L3MBTL4: variants seen among roughly 807,000 people sequenced by gnomAD.
L3MBTL4 encodes the protein L3MBTL histone methyl-lysine binding protein 4, also known as lethal(3)malignant brain tumor-like protein 4.
L3MBTL4 carries 70 observed loss-of-function variants against 84.5 expected under a neutral mutation model. The ratio of observed to expected loss-of-function variants is 0.83; its 90% confidence interval spans 0.68 to 1.01. The LOEUF is 1.01. Ranked by LOEUF, L3MBTL4 falls within the 50% of genes least tolerant of loss-of-function variation. The pLI, the probability that L3MBTL4 is intolerant of heterozygous loss-of-function variation, is 0.00. For missense variants in L3MBTL4, 715 were observed against 754.8 expected (o/e 0.95, Z 0.62); for synonymous variants, 274 against 259.8 (o/e 1.05, Z -0.52).
chr18:6,399,936 A>C (rs1340427177), intron 1 of L3MBTL4: 1 of 152,230 alleles, frequency 6.6e-6, no homozygotes, highest in Admixed American at 6.5e-5. Context: ...GCTAGGAGTT[A>C]ACCACCACTA....
chr18:6,088,781 A>C (rs1353578228), intron 15 of L3MBTL4, among the ~76,000 whole-genome samples: 1 of 152,186 alleles, frequency 6.6e-6, no homozygotes, highest in Non-Finnish European at 1.5e-5. Context: ...GCCAAAATAA[A>C]CTAGTTGGCT....
intron 14 of L3MBTL4, among the ~76,000 whole-genome samples, chr18:6,110,834 G>C (rs1297285179): frequency 1.3e-5 from 2 of 152,128 alleles, no homozygotes; most frequent in African/African-American, 4.8e-5. Flanking sequence ...ACAAGGGTAA[G>C]AGAGGAGGAA....
intron 10 of L3MBTL4, among the ~76,000 whole-genome samples, chr18:6,232,806 A>T (rs2047051387): frequency 1.3e-5 from 2 of 152,202 alleles, no homozygotes; most frequent in South Asian, 2.1e-4. Context: ...AATACTTAAA[A>T]TTTTTTTCCA....
chr18:6,229,127 G>C (rs942293177), intron 10 of L3MBTL4, among the ~76,000 whole-genome samples: 1 of 152,124 alleles, frequency 6.6e-6, no homozygotes, highest in Admixed American at 6.5e-5. Context: ...GTTAGTGTTC[G>C]TGTGAATAGT....
At position 6,311,559 on chromosome 18, in the gene L3MBTL4, G is replaced by A. The variant is rs201719685; in HGVS notation, c.67C>T (p.Arg23Cys). 1.3e-4 allele frequency: 210 copies of A among 1,612,750 alleles called. 4 individuals are homozygous for A. In the East Asian group the frequency reaches 2.7e-3, roughly 21 times the overall value. Residue 23 changes from arginine to cysteine, a missense_variant, in exon 3 of 19, where the codon CGC becomes TGC. Physicochemically the swap from Arg to Cys is radical, Grantham distance 180. Transcript: ENST00000317931. ...DSKERLDQDG[R>C]LEQAEEEKKP... is the part of the protein sequence containing the mutation. Reference sequence around the variant, plus strand: ...TCCAGGGATGGACATCTTACCAAGCGTCCGTCCTGATCCAAACGCTCTTTG... The same window carrying A: ...TCCAGGGATGGACATCTTACCAAGCATCCGTCCTGATCCAAACGCTCTTTG...
chr18:6,027,587 T>C (rs1489098531), intron 16 of L3MBTL4, among the ~76,000 whole-genome samples: 1 of 152,218 alleles, frequency 6.6e-6, no homozygotes, highest in African/African-American at 2.4e-5. Context: ...GTATTTCTGG[T>C]TCTTGATCCT....
Position 6,244,587 on chromosome 18 carries a change from TC to T in L3MBTL4, c.220del (p.Asp74IlefsTer15). ...VAAPVELFSK[D>X]QSFPEHENGF... Reference sequence around the variant, plus strand: ...ATTTTCATGCTCTGGAAAGGACTGATCCTACAAAATTTCACGACATAACATT... The same window carrying T: ...ATTTTCATGCTCTGGAAAGGACTGATCTACAAAATTTCACGACATAACATT... On this transcript the variant is annotated frameshift_variant and splice_region_variant, in exon 6 of 19. Coordinates refer to ENST00000317931, the MANE Select transcript of L3MBTL4 (RefSeq NM_001330559.2). LOFTEE classifies it high-confidence loss of function. 6.2e-7 allele frequency: 1 copy of T among 1,606,440 alleles called. No homozygotes were observed. The highest frequency in any genetic ancestry group is 2.2e-5 in the East Asian group (1 of 44,830).
intron 10 of L3MBTL4, among the ~76,000 whole-genome samples, chr18:6,219,326 A>G (rs1200016934): frequency 1.3e-5 from 2 of 152,008 alleles, no homozygotes; most frequent in Non-Finnish European, 2.9e-5. Context: ...AGGCCAAGGC[A>G]TAGAACTGCG....
chr18:6,054,538 G>A (rs2056947491), intron 16 of L3MBTL4, among the ~76,000 whole-genome samples: 2 of 151,924 alleles, frequency 1.3e-5, no homozygotes, highest in African/African-American at 4.8e-5. Flanking sequence ...CTCTGCCCTC[G>A]CCCCCGCCCC....
At chr18:5,958,071 A>T in intron 18 of L3MBTL4, among the ~76,000 whole-genome samples, 1 of 35,880 alleles carries the variant, frequency 2.8e-5, no homozygotes, top group Non-Finnish European at 4.1e-5. Context: ...GGAGAAGAAG[A>T]AGAAGAAGAA....
intron 10 of L3MBTL4, among the ~76,000 whole-genome samples, chr18:6,227,476 C>G (rs1428232134): frequency 6.6e-6 from 1 of 152,120 alleles, no homozygotes; most frequent in East Asian, 1.9e-4. Context: ...GAATTCATAG[C>G]TAAAACCTTC....
At chr18:5,998,069 G>T (rs909137360) in intron 16 of L3MBTL4, among the ~76,000 whole-genome samples, 2 of 152,142 alleles carry the variant, frequency 1.3e-5, no homozygotes, top group Non-Finnish European at 2.9e-5. Context: ...ATACAAAACA[G>T]CAGCAGCGTG....
At chr18:6,040,358 G>T (rs1380333169) in intron 16 of L3MBTL4, among the ~76,000 whole-genome samples, 1 of 152,110 alleles carries the variant, frequency 6.6e-6, no homozygotes, top group Non-Finnish European at 1.5e-5. Context: ...GTTGCCTCTG[G>T]CATCTAGCGG....
chr18:6,167,453 G>C (rs1157410813), intron 13 of L3MBTL4, among the ~76,000 whole-genome samples: 1 of 152,164 alleles, frequency 6.6e-6, no homozygotes, highest in Non-Finnish European at 1.5e-5. Context: ...AGTGAATCCA[G>C]CAGCACATCA....
chr18:6,397,831 G>T (rs1038120214), intron 1 of L3MBTL4: 32 of 152,292 alleles, frequency 2.1e-4, no homozygotes, highest in African/African-American at 7.5e-4. Context: ...ACTCCAGCCT[G>T]GGTGACAGAG....
intron 1 of L3MBTL4, among the ~76,000 whole-genome samples, chr18:6,321,560 C>CT (rs1161388250): frequency 6.6e-6 from 1 of 152,116 alleles, no homozygotes; most frequent in Non-Finnish European, 1.5e-5. Flanking sequence ...TACTGGGTAT[C>CT]TAGCCAAAGG....
chr18:5,960,364 C>T (rs903858121), intron 17 of L3MBTL4, among the ~76,000 whole-genome samples: 15 of 152,206 alleles, frequency 9.9e-5, no homozygotes, highest in Non-Finnish European at 1.6e-4. Context: ...CCGGGCTGAC[C>T]TGCAGAGGGT....
At chr18:6,388,370 GCAGA>G (rs2144482734) in intron 1 of L3MBTL4, among the ~76,000 whole-genome samples, 1 of 152,286 alleles carries the variant, frequency 6.6e-6, no homozygotes. Context: ...AGCATTATTT[GCAGA>G]CAAATTTTGA....
At chr18:6,166,673 A>G (rs2043675928) in intron 13 of L3MBTL4, among the ~76,000 whole-genome samples, 1 of 152,240 alleles carries the variant, frequency 6.6e-6, no homozygotes. Context: ...GGACACATTC[A>G]AAGCAGTGTG....
Sources: allele counts gnomAD v4.1 joint callset (sites outside exome capture counted in the v4.1 genomes callset), GRCh38; gene constraint gnomAD v4.1.1; transcripts MANE v1.5; gene names NCBI Gene and HGNC (gene_info 2026-07-23, HGNC 2026-07-21).